Variants in HS3ST5 observed in about 807,000 individuals in gnomAD.
HS3ST5 encodes heparan sulfate-glucosamine 3-sulfotransferase 5.
Under a neutral mutation model 25.4 loss-of-function variants are expected in HS3ST5, and 10 were observed. That is an observed-to-expected ratio of 0.39 (90% CI 0.24 to 0.67). The LOEUF is 0.67. Ranked by LOEUF, HS3ST5 falls within the 30% of genes least tolerant of loss-of-function variation. The pLI is 0.44. For synonymous variants in HS3ST5, 170 were observed against 162.4 expected (o/e 1.05, Z -0.36); for missense variants, 324 against 420.7 (o/e 0.77, Z 2.01).
chr6:114,185,690 T>C (rs1161754152), intron 2 of HS3ST5, among the ~76,000 whole-genome samples: 1 of 152,148 alleles, frequency 6.6e-6, no homozygotes, highest in Admixed American at 6.5e-5. Context: ...ATTTCAAGCT[T>C]TTTCATTATT....
intron 1 of HS3ST5, among the ~76,000 whole-genome samples, chr6:114,249,152 TAAGA>T (rs1297412700): frequency 2.0e-5 from 3 of 152,334 alleles, no homozygotes; most frequent in East Asian, 1.9e-4. Flanking sequence ...CTCCCCTACT[TAAGA>T]AAGAGACTAC....
intron 3 of HS3ST5, among the ~76,000 whole-genome samples, chr6:114,164,702 T>A (rs1044297044): frequency 2.6e-5 from 4 of 152,192 alleles, no homozygotes; most frequent in Admixed American, 2.6e-4. Context: ...TAAACGTATA[T>A]AAGTCTAAAC....
intron 3 of HS3ST5, chr6:114,084,286 A>G: frequency 1.3e-6 from 1 of 795,538 alleles, no homozygotes; most frequent in Admixed American, 1.7e-5. Context: ...CTGAATAGTC[A>G]CAGAGGGCAC....
At chr6:114,133,068 C>A (rs1308834624) in intron 3 of HS3ST5, among the ~76,000 whole-genome samples, 1 of 152,120 alleles carries the variant, frequency 6.6e-6, no homozygotes, top group Non-Finnish European at 1.5e-5. Flanking sequence ...TCCTCTTACC[C>A]CCTATTTGTC....
chr6:114,293,103 G>T (rs1043085828), intron 1 of HS3ST5, among the ~76,000 whole-genome samples: 1 of 152,084 alleles, frequency 6.6e-6, no homozygotes, highest in Admixed American at 6.6e-5. Context: ...CACAGGAGAT[G>T]CACTTAACTC....
At chr6:114,185,502 T>C (rs1469924822) in intron 2 of HS3ST5, among the ~76,000 whole-genome samples, 2 of 152,180 alleles carry the variant, frequency 1.3e-5, no homozygotes, top group South Asian at 2.1e-4. Flanking sequence ...CCACCCAGTT[T>C]ATGGTACAGT....
chr6:114,162,742 C>A (rs573854141), intron 3 of HS3ST5, among the ~76,000 whole-genome samples: 1 of 152,296 alleles, frequency 6.6e-6, no homozygotes, highest in South Asian at 2.1e-4. Context: ...CATGCACCTG[C>A]CTGACCAGTG....
chr6:114,248,298 A>G (rs1235773822), intron 1 of HS3ST5, among the ~76,000 whole-genome samples: 1 of 150,540 alleles, frequency 6.6e-6, no homozygotes, highest in Non-Finnish European at 1.5e-5. Context: ...CCTTTTGGGA[A>G]CTAGATCTAT....
chr6:114,246,462 G>A (rs56949249), intron 1 of HS3ST5, among the ~76,000 whole-genome samples: 1,952 of 152,294 alleles, frequency 0.013, 34 homozygotes, highest in African/African-American at 0.045. Context: ...GTATAATCAA[G>A]AGGGCTTCAA....
intron 2 of HS3ST5, among the ~76,000 whole-genome samples, chr6:114,215,041 C>G (rs1014696370): frequency 6.6e-6 from 1 of 152,178 alleles, no homozygotes; most frequent in Admixed American, 6.5e-5. Flanking sequence ...CGCGGTGGCT[C>G]ATGCCTGTAA....
At chr6:114,323,609 G>A (rs1776053446) in intron 1 of HS3ST5, among the ~76,000 whole-genome samples, 1 of 152,012 alleles carries the variant, frequency 6.6e-6, no homozygotes, top group African/African-American at 2.4e-5. Context: ...TAATGTGGAG[G>A]CTACCTCATA....
chr6:114,179,125 C>T (rs943770752), intron 2 of HS3ST5: 7 of 152,290 alleles, frequency 4.6e-5, no homozygotes, highest in African/African-American at 1.7e-4. Context: ...TTTGTCATTA[C>T]CCTCAGAACT....
At chr6:114,208,194 A>G (rs1221833210) in intron 2 of HS3ST5, among the ~76,000 whole-genome samples, 6 of 152,214 alleles carry the variant, frequency 3.9e-5, no homozygotes, top group Non-Finnish European at 8.8e-5. Context: ...GGACACCCCA[A>G]TGTTTTGTGT....
At chr6:114,123,128 T>G (rs1184353964) in intron 3 of HS3ST5, among the ~76,000 whole-genome samples, 1 of 152,174 alleles carries the variant, frequency 6.6e-6, no homozygotes, top group Admixed American at 6.5e-5. Context: ...TAATTTTGTA[T>G]TTTTAGTAGA....
chr6:114,105,668 T>C (rs188800522), intron 3 of HS3ST5, among the ~76,000 whole-genome samples: 5 of 152,192 alleles, frequency 3.3e-5, no homozygotes, highest in Middle Eastern at 3.4e-3. Context: ...CACTAATGAG[T>C]AGATTTTCCT....
chr6:114,175,129 C>A (rs1275323935), intron 2 of HS3ST5, among the ~76,000 whole-genome samples: 1 of 152,112 alleles, frequency 6.6e-6, no homozygotes, highest in Admixed American at 6.5e-5. Context: ...TTGAAAGGGG[C>A]AGAATTTATA....
chr6:114,164,909 A>G (rs1779134075), intron 3 of HS3ST5, among the ~76,000 whole-genome samples: 1 of 152,154 alleles, frequency 6.6e-6, no homozygotes, highest in Non-Finnish European at 1.5e-5. Context: ...ATAACTCATC[A>G]AATACATTTA....
intron 3 of HS3ST5, among the ~76,000 whole-genome samples, chr6:114,103,844 C>T (rs1167229949): frequency 4.8e-5 from 7 of 145,036 alleles, no homozygotes; most frequent in Non-Finnish European, 7.5e-5. Context: ...GCACCTGCCA[C>T]CACACCTGGC....
At chr6:114,240,820 T>C (rs1418817131) in intron 1 of HS3ST5, among the ~76,000 whole-genome samples, 2 of 152,140 alleles carry the variant, frequency 1.3e-5, no homozygotes, top group African/African-American at 4.8e-5. Context: ...ATTTAAACTG[T>C]TTGCTATTTA....
Sources: gnomAD v4.1 joint callset for allele counts (sites outside exome capture counted in the v4.1 genomes callset) on GRCh38, gnomAD v4.1.1 for gene constraint, MANE v1.5 for transcripts, NCBI Gene and HGNC (gene_info 2026-07-23, HGNC 2026-07-21) for gene names.